The following CSMD1 variants were observed in gnomAD, a reference collection of about 807,000 sequenced individuals.
CSMD1 encodes CUB and Sushi multiple domains 1.
Under a neutral mutation model 417.5 loss-of-function variants are expected in CSMD1, and 213 were observed. That is an observed-to-expected ratio of 0.51 (90% confidence interval 0.46 to 0.57). The LOEUF is 0.57. Among genes scored for constraint, CSMD1 ranks in the 20% least tolerant of loss-of-function variants. The pLI is 0.00. For missense variants in CSMD1, 6,923 were observed against 4,529.7 expected (o/e 1.53, Z -15.17); for synonymous variants, 2,862 against 1,736.8 (o/e 1.65, Z -16.11).
chr8:3,300,994 T>C (rs1341858989), intron 25 of CSMD1, among the ~76,000 whole-genome samples: 2 of 123,550 alleles, frequency 1.6e-5, no homozygotes, highest in African/African-American at 2.9e-5. Context: ...GAAAGAAAAA[T>C]TAGAAATGGT....
At position 3,434,955 on chromosome 8, in the gene CSMD1, T is replaced by C. The variant is rs563277618; in HGVS notation, c.1562-25350A>G. On this transcript the variant is annotated intron_variant, in intron 12 of 69. Coordinates refer to ENST00000635120, the MANE Select transcript of CSMD1 (RefSeq NM_033225.6). ...AGTCAGCACAGTTCCCATGTGCTGT[T>C]CACAGTGGATCCATTTATCCCCCCA... Among the ~76,000 whole-genome samples, 5 of 152,274 alleles carry C rather than the reference T, an allele frequency of 3.3e-5. No individual in the cohort carries two copies. The South Asian group carries it at 1.0e-3, about 32-fold the overall frequency.
At chr8:4,468,971 G>C (rs990257459) in intron 2 of CSMD1, among the ~76,000 whole-genome samples, 3 of 152,164 alleles carry the variant, frequency 2.0e-5, no homozygotes, top group African/African-American at 4.8e-5. Context: ...AGCATGATGT[G>C]AGATGGGTAT....
chr8:3,495,181 G>T (rs192152453), intron 10 of CSMD1, among the ~76,000 whole-genome samples: 4 of 152,272 alleles, frequency 2.6e-5, no homozygotes, highest in Non-Finnish European at 4.4e-5. Flanking sequence ...CATGTTAAAC[G>T]TAGCACCTGA....
intron 12 of CSMD1, among the ~76,000 whole-genome samples, chr8:3,447,221 T>A (rs1024471635): frequency 2.0e-5 from 3 of 152,192 alleles, no homozygotes; most frequent in African/African-American, 7.2e-5. Flanking sequence ...TGCGTCTGCA[T>A]CTATCAAACA....
intron 1 of CSMD1, among the ~76,000 whole-genome samples, chr8:4,925,687 C>G (rs1265110072): frequency 6.6e-6 from 1 of 152,088 alleles, no homozygotes; most frequent in South Asian, 2.1e-4. Context: ...GCTGGGACTA[C>G]AGGCGCCCGC....
intron 1 of CSMD1, among the ~76,000 whole-genome samples, chr8:4,713,955 G>A (rs1159504653): frequency 6.6e-6 from 1 of 151,986 alleles, no homozygotes; most frequent in Non-Finnish European, 1.5e-5. Flanking sequence ...AACCAGCCTG[G>A]CCAACATGGT....
chr8:3,584,172 C>T (rs1246685802), intron 9 of CSMD1, among the ~76,000 whole-genome samples: 1 of 152,098 alleles, frequency 6.6e-6, no homozygotes, highest in Non-Finnish European at 1.5e-5. Context: ...AAGTACTATT[C>T]AATGTTGATC....
chr8:4,648,405 C>G (rs1803674829), intron 1 of CSMD1, among the ~76,000 whole-genome samples: 1 of 152,108 alleles, frequency 6.6e-6, no homozygotes, highest in African/African-American at 2.4e-5. Flanking sequence ...CTAATGGTGC[C>G]TCAGCCATGA....
At chr8:4,635,327 T>C (rs1488426185) in intron 2 of CSMD1, among the ~76,000 whole-genome samples, 1 of 152,188 alleles carries the variant, frequency 6.6e-6, no homozygotes, top group Non-Finnish European at 1.5e-5. Context: ...TAACTTAATA[T>C]TTCCGCTGTC....
At chr8:4,176,326 G>A (rs546185814) in intron 3 of CSMD1, among the ~76,000 whole-genome samples, 20 of 152,150 alleles carry the variant, frequency 1.3e-4, no homozygotes, top group South Asian at 1.2e-3. Flanking sequence ...GTTTGCTGAC[G>A]TCAACCTTTT....
intron 5 of CSMD1, among the ~76,000 whole-genome samples, chr8:3,955,684 G>C (rs2688335): frequency 0.45 from 68,418 of 151,988 alleles, 16,272 homozygotes; most frequent in East Asian, 0.71. Context: ...CAGAGGATGA[G>C]GAAAGAGGAT....
Position 3,229,820 on chromosome 8 carries a change from T to A in CSMD1, c.4345+220A>T, listed in dbSNP as rs553993791. The stretch of plus-strand genomic sequence containing the variant: ...TTAAGGGTAGGAAATATACGGTAAA[T>A]GTCAATTACTGTACCTTAAGGGGAT... On this transcript the variant is annotated intron_variant, in intron 27 of 69. Transcript: ENST00000635120. Among the ~76,000 whole-genome samples, 3 of 152,328 alleles carry A rather than the reference T, an allele frequency of 2.0e-5. No individual in the cohort carries two copies. In the South Asian group the frequency reaches 6.2e-4, roughly 32 times the overall value.
At chr8:4,905,222 G>C (rs1363752867) in intron 1 of CSMD1, among the ~76,000 whole-genome samples, 1 of 152,046 alleles carries the variant, frequency 6.6e-6, no homozygotes, top group South Asian at 2.1e-4. Flanking sequence ...TTTTCATACA[G>C]GCATTATCTC....
intron 6 of CSMD1, among the ~76,000 whole-genome samples, chr8:3,745,120 G>C (rs1365438794): frequency 6.6e-6 from 1 of 152,176 alleles, no homozygotes; most frequent in East Asian, 1.9e-4. Context: ...TCTTGAGAAA[G>C]CAAAGCTCTT....
intron 5 of CSMD1, among the ~76,000 whole-genome samples, chr8:3,889,951 G>C (rs922447880): frequency 6.6e-5 from 10 of 152,134 alleles, no homozygotes; most frequent in African/African-American, 2.4e-4. Flanking sequence ...GGATGGCTGA[G>C]GTGGGAGGAT....
In CSMD1 at chr8:4,132,683, G is replaced by A. The variant is rs192300807; in HGVS notation, c.416-100584C>T. On this transcript the variant is annotated intron_variant, in intron 3 of 69. Coordinates refer to ENST00000635120, the MANE Select transcript of CSMD1 (RefSeq NM_033225.6). ...ACTCATGACAAACCTGATGAGCCTCGCAACTCAATGTGGGGCTTCCACGCA... is the reference window on the plus strand; with the variant it reads ...ACTCATGACAAACCTGATGAGCCTCACAACTCAATGTGGGGCTTCCACGCA... Among the ~76,000 whole-genome samples the A allele has an allele frequency of 1.4e-3, 220 of 152,144 alleles. 1 individual carries two copies. The highest frequency in any genetic ancestry group is 4.9e-3 in the African/African-American group (204 of 41,500).
intron 5 of CSMD1, among the ~76,000 whole-genome samples, chr8:3,829,851 ATTAATCCGCTT>A (rs1416564187): frequency 6.6e-6 from 1 of 152,202 alleles, no homozygotes; most frequent in Non-Finnish European, 1.5e-5. Flanking sequence ...CTTTTTGAAT[ATTAATCCGCTT>A]AGAAAACACT....
intron 12 of CSMD1, among the ~76,000 whole-genome samples, chr8:3,461,338 G>A (rs1031393004): frequency 6.6e-6 from 1 of 152,230 alleles, no homozygotes; most frequent in Non-Finnish European, 1.5e-5. Context: ...TGAGGAGCCA[G>A]CTTGGAGAGT....
chr8:3,414,930 G>A lies in CSMD1; in HGVS notation c.1562-5325C>T, dbSNP rs190217080. On this transcript the variant is annotated intron_variant, in intron 12 of 69. Coordinates refer to ENST00000635120, the MANE Select transcript of CSMD1 (RefSeq NM_033225.6). Reference sequence around the variant, plus strand: ...TCTCTAGCACCACTCTCTTTTCTGCGGCAAGACCTGTCACTCTGCATTATA... The same window carrying A: ...TCTCTAGCACCACTCTCTTTTCTGCAGCAAGACCTGTCACTCTGCATTATA... Among the ~76,000 whole-genome samples, 9 of 152,108 alleles carry A rather than the reference G, an allele frequency of 5.9e-5. No individual in the cohort carries two copies. The East Asian group carries it at 1.7e-3, about 29-fold the overall frequency.
Sources: gnomAD v4.1 joint callset for allele counts (sites outside exome capture counted in the v4.1 genomes callset) on GRCh38, gnomAD v4.1.1 for gene constraint, MANE v1.5 for transcripts, NCBI Gene and HGNC (gene_info 2026-07-23, HGNC 2026-07-21) for gene names.